Variants in KLHL29 observed in about 807,000 individuals in gnomAD.
The protein encoded by KLHL29 is kelch like family member 29.
Under a neutral mutation model 80.4 loss-of-function variants are expected in KLHL29, and 21 were observed. The observed-to-expected ratio is 0.26, with a 90% CI of 0.19 to 0.38. The LOEUF (loss-of-function observed/expected upper bound fraction) is 0.38, where lower values mean the gene tolerates loss of function less well. Among genes scored for constraint, KLHL29 ranks in the 10% least tolerant of loss-of-function variants. The probability of loss-of-function intolerance (pLI) is 1.00; values close to 1 mark genes in which losing one functional copy is unlikely to be tolerated. For missense variants in KLHL29, 867 were observed against 1,223.9 expected, an observed-to-expected ratio of 0.71 and a Z score of 4.35; for synonymous variants, 511 against 526.8, an observed-to-expected ratio of 0.97 and a Z score of 0.41.
chr2:23,587,808 A>T (rs1484264784), intron 3 of KLHL29, among the ~76,000 whole-genome samples: 1 of 152,188 alleles, frequency 6.6e-6, no homozygotes, highest in African/African-American at 2.4e-5. Flanking sequence ...TCTGGGGTCT[A>T]AAGTCCGTGT....
Position 23,708,383 on chromosome 2 carries a change from G to A in KLHL29, c.*1719G>A, listed in dbSNP as rs1672854360. On this transcript the variant is annotated 3_prime_UTR_variant, in exon 14 of 14. Coordinates refer to ENST00000486442, the MANE Select transcript of KLHL29 (RefSeq NM_052920.2). ...CCTAACTGCCTGGGGCAGGGCTAAT[G>A]TTAGCATTGGTGTGCGTCTGCCTCC... 1 of 152,220 alleles carries A rather than the reference G, an allele frequency of 6.6e-6. No homozygotes were observed. The highest frequency in any genetic ancestry group is 2.4e-5 in the African/African-American group (1 of 41,448). 9.4% of individuals were successfully genotyped at this position (152,220 alleles called of 1,614,324 possible).
intron 5 of KLHL29, among the ~76,000 whole-genome samples, chr2:23,655,253 C>T (rs1380875618): frequency 1.3e-5 from 2 of 152,178 alleles, no homozygotes; most frequent in African/African-American, 4.8e-5. Flanking sequence ...GTCTCCCACA[C>T]CTTAATCAGA....
At chr2:23,427,911 A>G (rs564871445) in intron 1 of KLHL29, among the ~76,000 whole-genome samples, 1 of 152,238 alleles carries the variant, frequency 6.6e-6, no homozygotes, top group East Asian at 1.9e-4. Context: ...TCCTGTGCTC[A>G]TGGAGGCTCC....
chr2:23,444,969 G>C (rs1663630539), intron 1 of KLHL29, among the ~76,000 whole-genome samples: 1 of 152,186 alleles, frequency 6.6e-6, no homozygotes, highest in Middle Eastern at 3.4e-3. Flanking sequence ...TTATATAGCA[G>C]GTCCTCAATG....
At chr2:23,543,759 C>T (rs1666910280) in intron 2 of KLHL29, among the ~76,000 whole-genome samples, 1 of 152,228 alleles carries the variant, frequency 6.6e-6, no homozygotes, top group Non-Finnish European at 1.5e-5. Flanking sequence ...TAAATGGCTG[C>T]CTGAGTAATT....
intron 5 of KLHL29, among the ~76,000 whole-genome samples, chr2:23,648,323 A>G (rs193158353): frequency 6.6e-6 from 1 of 152,212 alleles, no homozygotes; most frequent in Non-Finnish European, 1.5e-5. Flanking sequence ...GGCTTAGAAT[A>G]TTGCCTAGCA....
At position 23,683,871 on chromosome 2, in the gene KLHL29, C is replaced by T. The variant is rs10178699; in HGVS notation, c.941-528C>T. 1.5e-3 allele frequency among the ~76,000 whole-genome samples: 222 copies of T among 152,272 alleles called. 1 individual carries two copies. Among genetic ancestry groups the T allele is most frequent in the African/African-American group, 5.1e-3 (213 of 41,554 alleles). On this transcript the variant is annotated intron_variant, in intron 5 of 13. Coordinates refer to ENST00000486442, the MANE Select transcript of KLHL29 (RefSeq NM_052920.2). Reference sequence around the variant, plus strand: ...CCATGGCCCCCTCCTTTCTCGGGGTCTCCTCCCACGCCATGGCTGTGAGTG... The same window carrying T: ...CCATGGCCCCCTCCTTTCTCGGGGTTTCCTCCCACGCCATGGCTGTGAGTG...
rs1572488332 is a variant in KLHL29, at chr2:23,677,118, A to T, written c.941-7281A>T. Among the ~76,000 whole-genome samples the T allele has an allele frequency of 3.3e-5, 5 of 152,238 alleles. No individual in the cohort carries two copies. In the South Asian group the frequency reaches 1.0e-3, roughly 32 times the overall value. ...CAAAAAATGTTAAGGAGAAAAATAGAAGCAAATTTTCTATCATCTTAGAGG... is the reference window on the plus strand; with the variant it reads ...CAAAAAATGTTAAGGAGAAAAATAGTAGCAAATTTTCTATCATCTTAGAGG... On this transcript the variant is annotated intron_variant, in intron 5 of 13. Coordinates refer to ENST00000486442, the MANE Select transcript of KLHL29 (RefSeq NM_052920.2).
intron 1 of KLHL29, among the ~76,000 whole-genome samples, chr2:23,405,261 A>G (rs2103391354): frequency 6.6e-6 from 1 of 152,202 alleles, no homozygotes; most frequent in East Asian, 1.9e-4. Context: ...TTTCTAAAAA[A>G]GTTAGTTATA....
At chr2:23,466,772 A>G (rs752907248) in intron 1 of KLHL29, among the ~76,000 whole-genome samples, 1 of 152,236 alleles carries the variant, frequency 6.6e-6, no homozygotes, top group Non-Finnish European at 1.5e-5. Context: ...ATTTAGAAAC[A>G]TCAAGCTTGA....
Position 23,684,459 on chromosome 2 carries a change from T to C in KLHL29, c.1001T>C (p.Val334Ala). ...AAAGCGTTTACAGACCTGAAAATTG[T>C]TGTTGAAGGCAGAGAGTTTGAAGTC... ...RAKAFTDLKI[V>A]VEGREFEVHQ... The change falls in exon 6 of 14, where the codon GTT becomes GCT. Residue 334 changes from valine (V) to alanine (A), a missense_variant. Physicochemically the swap from Val to Ala is moderately conservative, Grantham distance 64 (BLOSUM62 0). Around this residue, in one of 2 missense-constraint regions of KLHL29, gnomAD observed 443 missense variants for 767.0 expected, o/e 0.58. Transcript: ENST00000486442. The surrounding 1 kb of genome is among the most constrained non-coding windows in gnomAD (Gnocchi z 4.4). The C allele has an allele frequency of 6.4e-7, 1 of 1,550,904 alleles. No homozygotes were observed. The highest frequency in any genetic ancestry group is 1.4e-5 in the African/African-American group (1 of 73,136).
At chr2:23,472,421 G>A (rs1441203148) in intron 1 of KLHL29, among the ~76,000 whole-genome samples, 1 of 152,114 alleles carries the variant, frequency 6.6e-6, no homozygotes, top group South Asian at 2.1e-4. Flanking sequence ...GGATCACAAG[G>A]TCAGAAGATC....
intron 2 of KLHL29, among the ~76,000 whole-genome samples, chr2:23,493,843 T>A (rs1038166901): frequency 6.6e-6 from 1 of 152,182 alleles, no homozygotes; most frequent in Non-Finnish European, 1.5e-5. Context: ...GATGGATAGA[T>A]GGCAAAGTAA....
At position 23,509,184 on chromosome 2, in the gene KLHL29, A is replaced by T. The variant is rs934364; in HGVS notation, c.-46+33517A>T. On this transcript the variant is annotated intron_variant, in intron 2 of 13. Transcript: ENST00000486442. ...CAGGGCAGGAGCAGATGCTTCAGGC[A>T]CCCGGGAAGACTGCGGCTGGTGGAG... is the stretch of plus-strand genomic sequence containing the variant. 9.6e-3 allele frequency among the ~76,000 whole-genome samples: 1,467 copies of T among 152,122 alleles called. 21 individuals carry two copies. Among genetic ancestry groups the T allele is most frequent in the African/African-American group, 0.034 (1,396 of 41,510 alleles).
At chr2:23,393,861 G>A (rs371107194) in intron 1 of KLHL29, among the ~76,000 whole-genome samples, 33 of 152,144 alleles carry the variant, frequency 2.2e-4, no homozygotes, top group African/African-American at 7.7e-4. Flanking sequence ...CTGCTGGCCC[G>A]GCACTGGCAC....
chr2:23,452,052 C>T (rs1264524086), intron 1 of KLHL29, among the ~76,000 whole-genome samples: 2 of 152,032 alleles, frequency 1.3e-5, no homozygotes, highest in East Asian at 1.9e-4. Context: ...TGCATTTTCA[C>T]CCAGTCTAGA....
chr2:23,471,350 A>T (rs1664490994), intron 1 of KLHL29, among the ~76,000 whole-genome samples: 1 of 152,158 alleles, frequency 6.6e-6, no homozygotes, highest in Non-Finnish European at 1.5e-5. Flanking sequence ...GAAGTAAAAA[A>T]TCCTGGGGCC....
At position 23,469,135 on chromosome 2, in the gene KLHL29, G is replaced by A. The variant is rs561324184; in HGVS notation, c.-153-6425G>A. Among the ~76,000 whole-genome samples the A allele has an allele frequency of 7.9e-5, 12 of 152,354 alleles. No individual in the cohort carries two copies. The South Asian group carries it at 2.5e-3, about 32-fold the overall frequency. On this transcript the variant is annotated intron_variant, in intron 1 of 13. Coordinates refer to ENST00000486442, the MANE Select transcript of KLHL29 (RefSeq NM_052920.2). ...CCTGGTCCCAGGAGTGTCAGGGAGA[G>A]TCGAGGAAAGCTGTGTCCACACTGG... is the stretch of plus-strand genomic sequence containing the variant.
At chr2:23,686,600 G>A (rs780437036) in intron 6 of KLHL29, among the ~76,000 whole-genome samples, 3 of 151,988 alleles carry the variant, frequency 2.0e-5, no homozygotes, top group Non-Finnish European at 4.4e-5. Flanking sequence ...CAGAGGTCAC[G>A]GGCATCAGAG....
Sources: allele counts gnomAD v4.1 joint callset (sites outside exome capture counted in the v4.1 genomes callset), GRCh38; gene constraint gnomAD v4.1.1; regional missense constraint gnomAD v4.1.1; non-coding constraint Gnocchi (gnomAD v3.1); transcripts MANE v1.5; gene names NCBI Gene and HGNC (gene_info 2026-07-23, HGNC 2026-07-21).